Variants in LONRF3 observed in about 807,000 individuals in gnomAD.
LONRF3 encodes the protein LON peptidase N-terminal domain and ring finger 3, also known as LON peptidase N-terminal domain and RING finger protein 3.
Under a neutral mutation model 51.7 loss-of-function variants are expected in LONRF3, and 19 were observed. That is an observed-to-expected ratio of 0.37 (90% CI 0.26 to 0.54). The LOEUF (loss-of-function observed/expected upper bound fraction) is 0.54. LONRF3 is among the 20% of genes least tolerant of loss of function. The pLI is 0.86. For missense variants in LONRF3, 521 were observed against 623.9 expected (o/e 0.84, Z 1.76); for synonymous variants, 265 against 257.8 (o/e 1.03, Z -0.27).
intron 5 of LONRF3, among the ~76,000 whole-genome samples, chrX:118,992,164 G>A (rs1372553884): frequency 1.8e-5 from 2 of 111,779 alleles, no homozygotes; most frequent in Non-Finnish European, 3.8e-5. Flanking sequence ...ATGGACTAAA[G>A]AACAAACCAG....
chrX:119,000,039 A>G (rs767593971), intron 5 of LONRF3, among the ~76,000 whole-genome samples: 8 of 112,399 alleles, frequency 7.1e-5, no homozygotes, highest in Admixed American at 5.7e-4. Context: ...TTTCAAACAC[A>G]TGCTTCAGCT....
At chrX:118,989,732 T>C in intron 4 of LONRF3, 60 bp downstream of exon 4, 1 of 1,114,384 alleles carries the variant, frequency 9.0e-7, no homozygotes, top group Non-Finnish European at 1.2e-6. Flanking sequence ...CACCAATATA[T>C]ACAAGTTACT....
At chrX:118,999,882 T>C (rs1924149282) in intron 5 of LONRF3, among the ~76,000 whole-genome samples, 1 of 112,122 alleles carries the variant, frequency 8.9e-6, no homozygotes, top group African/African-American at 3.2e-5. Context: ...GGCCTCTCAC[T>C]GCTTGATGGT....
intron 2 of LONRF3, among the ~76,000 whole-genome samples, chrX:118,979,178 T>G (rs1311042929): frequency 1.8e-5 from 2 of 108,758 alleles, no homozygotes; most frequent in African/African-American, 6.7e-5. Context: ...TTTTTTGTAT[T>G]TTTTTTTGTA....
chrX:118,994,128 A>T (rs1345645267), intron 5 of LONRF3, among the ~76,000 whole-genome samples: 1 of 112,081 alleles, frequency 8.9e-6, no homozygotes, highest in African/African-American at 3.2e-5. Context: ...AAAAGCAAAA[A>T]CAAAAACCAA....
In LONRF3 at chrX:119,017,831, G is replaced by T; in HGVS notation, c.*141G>T. ...ATCAGCCTGCTGTTGATCACAGAGA[G>T]AAATTGAGTAGAAAGACCAAAAGAA... On this transcript the variant is annotated 3_prime_UTR_variant, in exon 11 of 11. Coordinates refer to ENST00000371628, the MANE Select transcript of LONRF3 (RefSeq NM_001031855.3). The T allele has an allele frequency of 1.9e-6, 1 of 529,295 alleles. No homozygotes were observed. The allele number at this position is 529,295 out of a possible 1,213,427, so 43.6% of individuals were successfully genotyped here. A position where few individuals can be genotyped will look rare whatever the true frequency, so the allele number is the denominator to read the frequency against.
At chrX:118,976,297 A>G (rs1188987981) in intron 1 of LONRF3, 1 of 113,923 alleles carries the variant, frequency 8.8e-6, no homozygotes, top group Non-Finnish European at 1.9e-5. Context: ...CCGCTGAGGT[A>G]ACTGAAGTGG....
chrX:118,994,804 T>C (rs1261736822), intron 5 of LONRF3, among the ~76,000 whole-genome samples: 1 of 111,638 alleles, frequency 9.0e-6, no homozygotes, highest in East Asian at 2.8e-4. Flanking sequence ...CCTAAACATA[T>C]ATGCACCTAA....
chrX:118,975,243 G>T lies in LONRF3; in HGVS notation c.463G>T (p.Gly155Cys), dbSNP rs1370282064. 6.6e-6 allele frequency: 8 copies of T among 1,203,939 alleles called. No homozygotes were observed. Among genetic ancestry groups the T allele is most frequent in the Non-Finnish European group, 6.7e-6 (6 of 892,651 alleles). ...AAAAATEVWDGFKCRKCHGFL... is the reference protein window; with the variant it reads ...AAAAATEVWDCFKCRKCHGFL... ...TGCGGCGGCCACCGAGGTGTGGGAC[G>T]GCTTTAAGTGCCGGAAATGTCATGG... The change falls in exon 1 of 11, where the codon GGC (glycine) becomes TGC (cysteine). Residue 155 changes from glycine to cysteine, a missense_variant. By Grantham distance (159) the Gly-to-Cys change is radical. Around this residue, in one of 2 missense-constraint regions of LONRF3, gnomAD observed 376 missense variants for 376.7 expected, o/e 1.00. Coordinates refer to ENST00000371628, the MANE Select transcript of LONRF3 (RefSeq NM_001031855.3).
chrX:118,979,316 C>T lies in LONRF3; in HGVS notation c.936+853C>T, dbSNP rs866210333. On this transcript the variant is annotated intron_variant, in intron 2 of 10. Transcript: ENST00000371628. ...CCGCGCTGGCTTTTTTTTTTTGAGA[C>T]GGAGTCTCACTCTGCCACTCACACT... Among the ~76,000 whole-genome samples the T allele has an allele frequency of 1.4e-4, 14 of 100,702 alleles. No homozygotes were observed. In the East Asian group the frequency reaches 2.7e-3, roughly 19 times the overall value. The allele number at this position is 100,702 out of a possible 115,157, so 87.4% of individuals were successfully genotyped here.
At chrX:118,975,679 G>C in intron 1 of LONRF3, 82 bp downstream of exon 1, 1 of 870,847 alleles carries the variant, frequency 1.1e-6, no homozygotes, top group Non-Finnish European at 1.6e-6. Context: ...GCAGCGAGAA[G>C]GGATTTGGAC....
rs1178475175 is a variant in LONRF3, at chrX:118,989,641, A to G, written c.1293A>G (p.Glu431=). ...ATTGCCAGATTGAATCCCAAGAAGA[A>G]ACGGGGATGCCTAATAAAGCCTCCA... ...RKHCQIESQE[E]TGMPNKASKQ... is the part of the protein sequence containing the mutation. Residue 431 remains glutamate, a synonymous_variant, in exon 4 of 11, where the codon GAA becomes GAG. Coordinates refer to ENST00000371628, the MANE Select transcript of LONRF3 (RefSeq NM_001031855.3). The G allele has an allele frequency of 1.7e-6, 2 of 1,208,770 alleles. No homozygotes were observed. The highest frequency in any genetic ancestry group is 2.2e-5 in the Admixed American group (1 of 45,668).
intron 5 of LONRF3, 73 bp downstream of exon 5, chrX:118,990,633 C>T (rs1397818552): frequency 1.2e-6 from 1 of 845,642 alleles, no homozygotes; most frequent in Non-Finnish European, 1.7e-6. Context: ...CTGCTAGTGA[C>T]CTACTGCTGG....
chrX:118,996,813 T>C (rs1923901531), intron 5 of LONRF3, among the ~76,000 whole-genome samples: 1 of 107,797 alleles, frequency 9.3e-6, no homozygotes, highest in East Asian at 2.9e-4. Context: ...TCCCAGCTAC[T>C]CGGGAGGCTG....
In LONRF3 at chrX:119,013,154, C is replaced by T. The variant is rs370939316; in HGVS notation, c.1927C>T (p.Arg643Trp). 3 of 1,212,084 alleles carry T rather than the reference C, an allele frequency of 2.5e-6. No individual in the cohort carries two copies. The highest frequency in any genetic ancestry group is 3.3e-6 in the Non-Finnish European group (3 of 895,551). The change falls in exon 9 of 11, where the codon CGG (arginine) becomes TGG (tryptophan). Residue 643 changes from arginine (R) to tryptophan (W), a missense_variant. This residue lies in a region of LONRF3 where 145 missense variants were observed against 247.2 expected (regional missense o/e 0.59). Transcript: ENST00000371628. ...RRFRVLHQSQ[R>W]DGYNTADIEY... Reference sequence around the variant, plus strand: ...CTTCAGGGTGCTCCATCAGAGCCAGCGGGATGGCTACAACACAGCCGACAT... The same window carrying T: ...CTTCAGGGTGCTCCATCAGAGCCAGTGGGATGGCTACAACACAGCCGACAT...
chrX:118,982,994 T>C, intron 3 of LONRF3, 51 bp downstream of exon 3: 2 of 1,173,816 alleles, frequency 1.7e-6, no homozygotes, highest in Non-Finnish European at 2.3e-6. Flanking sequence ...CTCCCCTCTC[T>C]GTCTTATCTA....
In LONRF3 at chrX:119,017,624, G is replaced by A. The variant is rs764983169; in HGVS notation, c.2214G>A (p.Arg738=). 9 of 1,209,034 alleles carry A rather than the reference G, an allele frequency of 7.4e-6. No individual in the cohort carries two copies. In the Admixed American group the frequency reaches 1.5e-4, roughly 21 times the overall value. Reference sequence around the variant, plus strand: ...CTCAGCTCCCCTTCCTAGCAATGAGGTCCTTAAAGGACAGACTGAATGGTA... The same window carrying A: ...CTCAGCTCCCCTTCCTAGCAATGAGATCCTTAAAGGACAGACTGAATGGTA... ...SRAQLPFLAM[R]SLKDRLNGIR... is the part of the protein sequence containing the mutation. Residue 738 remains arginine (R), a synonymous_variant, in exon 11 of 11, where the codon AGG becomes AGA. Transcript: ENST00000371628.
chrX:119,002,005 C>T (rs147361840), intron 5 of LONRF3, among the ~76,000 whole-genome samples: 2,557 of 112,360 alleles, frequency 0.023, 34 homozygotes, highest in Non-Finnish European at 0.034. Context: ...GACTAAGTTA[C>T]CAAGGAAATG....
intron 10 of LONRF3, 35 bp downstream of exon 10, chrX:119,014,391 C>T (rs1201739620): frequency 4.3e-6 from 5 of 1,167,671 alleles, no homozygotes; most frequent in Non-Finnish European, 5.8e-6. Flanking sequence ...ACGGGTTGTC[C>T]CACTAGAAGA....
Sources: gnomAD v4.1 joint callset for allele counts (sites outside exome capture counted in the v4.1 genomes callset) on GRCh38, gnomAD v4.1.1 for gene constraint, gnomAD v4.1.1 regional missense constraint, MANE v1.5 for transcripts, NCBI Gene and HGNC (gene_info 2026-07-23, HGNC 2026-07-21) for gene names.